CCDC85A: variants seen among roughly 807,000 people sequenced by gnomAD.
CCDC85A encodes coiled-coil domain containing 85A, also known as coiled-coil domain-containing protein 85A.
Under a neutral mutation model 50.2 loss-of-function variants are expected in CCDC85A, and 38 were observed. That is an observed-to-expected ratio of 0.76 (90% CI 0.58 to 0.99). CCDC85A has a LOEUF of 0.99. Ranked by LOEUF, CCDC85A falls within the 50% of genes least tolerant of loss-of-function variation. CCDC85A has a pLI of 0.00. For synonymous variants in CCDC85A, 366 were observed against 301.4 expected, an observed-to-expected ratio of 1.21 and a Z score of -2.22; for missense variants, 820 against 742.0, an observed-to-expected ratio of 1.11 and a Z score of -1.22.
intron 2 of CCDC85A, among the ~76,000 whole-genome samples, chr2:56,218,833 T>C (rs1487480531): frequency 6.6e-6 from 1 of 151,834 alleles, no homozygotes; most frequent in Non-Finnish European, 1.5e-5. Context: ...TTTTTGACAT[T>C]AAATTTTTCT....
At chr2:56,337,701 G>A (rs971869448) in intron 2 of CCDC85A, among the ~76,000 whole-genome samples, 1 of 151,606 alleles carries the variant, frequency 6.6e-6, no homozygotes, top group Non-Finnish European at 1.5e-5. Context: ...ACAGGATTTA[G>A]TACTAAATTT....
intron 2 of CCDC85A, among the ~76,000 whole-genome samples, chr2:56,338,111 C>T (rs1674170428): frequency 6.6e-6 from 1 of 152,090 alleles, no homozygotes; most frequent in South Asian, 2.1e-4. Context: ...TATTTATGTA[C>T]TTTGTAGCTG....
intron 2 of CCDC85A, among the ~76,000 whole-genome samples, chr2:56,311,095 A>C (rs1354064950): frequency 1.3e-5 from 2 of 152,180 alleles, no homozygotes; most frequent in Admixed American, 6.6e-5. Flanking sequence ...GACTTATGAC[A>C]TAAGCTAGAA....
Position 56,193,406 on chromosome 2 carries a change from A to C in CCDC85A, c.1206A>C (p.Ser402=). 1 of 1,609,772 alleles carries C rather than the reference A, an allele frequency of 6.2e-7. No homozygotes were observed. The highest frequency in any genetic ancestry group is 8.5e-7 in the Non-Finnish European group (1 of 1,178,094). The part of the protein sequence containing the change: ...TLRRQAQEDG[S]PHHRNVYSGM... ...GACGGCAGGCACAGGAGGACGGGTC[A>C]CCCCATCACCGGAATGTCTACAGTG... Residue 402 remains serine, a synonymous_variant, in exon 2 of 6, where the codon TCA becomes TCC. Transcript: ENST00000407595.
At chr2:56,268,462 G>A (rs577234160) in intron 2 of CCDC85A, among the ~76,000 whole-genome samples, 2 of 152,082 alleles carry the variant, frequency 1.3e-5, no homozygotes, top group African/African-American at 4.8e-5. Flanking sequence ...AAGAGTGGTG[G>A]CGGACGCCTG....
intron 2 of CCDC85A, among the ~76,000 whole-genome samples, chr2:56,258,680 A>G (rs1248903260): frequency 6.6e-6 from 1 of 152,228 alleles, no homozygotes; most frequent in Non-Finnish European, 1.5e-5. Flanking sequence ...TTTAAATTGA[A>G]CTGTAAGAGA....
At chr2:56,311,817 A>C (rs1349924379) in intron 2 of CCDC85A, among the ~76,000 whole-genome samples, 1 of 152,122 alleles carries the variant, frequency 6.6e-6, no homozygotes, top group Non-Finnish European at 1.5e-5. Context: ...GCAGGGATTC[A>C]GGGTTTCATA....
chr2:56,310,065 A>G (rs1003256456), intron 2 of CCDC85A, among the ~76,000 whole-genome samples: 7 of 152,130 alleles, frequency 4.6e-5, no homozygotes, highest in African/African-American at 1.7e-4. Flanking sequence ...GGAACTAAAG[A>G]CCTAAATAAA....
intron 2 of CCDC85A, among the ~76,000 whole-genome samples, chr2:56,311,614 T>C (rs568332092): frequency 4.6e-4 from 70 of 152,230 alleles, no homozygotes; most frequent in African/African-American, 1.6e-3. Context: ...GCTATATGAC[T>C]TTGCAGTGGA....
chr2:56,295,877 T>C (rs1671925581), intron 2 of CCDC85A, among the ~76,000 whole-genome samples: 1 of 152,218 alleles, frequency 6.6e-6, no homozygotes, highest in Non-Finnish European at 1.5e-5. Flanking sequence ...CCAGTATCAC[T>C]GCCCAGGTGC....
chr2:56,344,787 C>T (rs1168601918), intron 3 of CCDC85A, among the ~76,000 whole-genome samples: 1 of 151,976 alleles, frequency 6.6e-6, no homozygotes, highest in Non-Finnish European at 1.5e-5. Context: ...GTTTATTATA[C>T]ATGGTTGTGC....
At chr2:56,372,219 A>G (rs11694209) in intron 3 of CCDC85A, 125 bp from the exon 4 acceptor site, 94,680 of 863,020 alleles carry the variant, frequency 0.11, 5,576 homozygotes, top group African/African-American at 0.13. Context: ...CTACAGGTGC[A>G]TGTTACAGCT....
chr2:56,342,973 G>A lies in CCDC85A; in HGVS notation c.1317+18G>A. 1 of 1,548,810 alleles carries A rather than the reference G, an allele frequency of 6.5e-7. No individual in the cohort carries two copies. On this transcript the variant is annotated intron_variant, in intron 3 of 5. Transcript: ENST00000407595. ...TGCCCCAGGTGGGTGACTTCCAGAA[G>A]CTCATAGCTAGTCAGTGCCATTTAA...
intron 2 of CCDC85A, among the ~76,000 whole-genome samples, chr2:56,298,603 T>A (rs1407045838): frequency 6.6e-6 from 1 of 152,182 alleles, no homozygotes; most frequent in Non-Finnish European, 1.5e-5. Context: ...GGGAATCTTT[T>A]AAGCTTACTA....
At chr2:56,269,916 C>A (rs139512519) in intron 2 of CCDC85A, among the ~76,000 whole-genome samples, 52 of 152,276 alleles carry the variant, frequency 3.4e-4, no homozygotes, top group Admixed American at 8.5e-4. Flanking sequence ...ATTTTATACT[C>A]AACACAGAGC....
At chr2:56,278,844 A>G (rs1671078366) in intron 2 of CCDC85A, among the ~76,000 whole-genome samples, 1 of 152,204 alleles carries the variant, frequency 6.6e-6, no homozygotes, top group South Asian at 2.1e-4. Flanking sequence ...AAGTGCTGGG[A>G]TTACAGGCAT....
intron 2 of CCDC85A, among the ~76,000 whole-genome samples, chr2:56,305,089 C>A: frequency 7.0e-6 from 1 of 143,490 alleles, no homozygotes; most frequent in Non-Finnish European, 1.5e-5. Flanking sequence ...GGCGACAGAG[C>A]AAGACTCTGC....
chr2:56,235,981 G>A (rs938773615), intron 2 of CCDC85A, among the ~76,000 whole-genome samples: 1 of 152,050 alleles, frequency 6.6e-6, no homozygotes. Flanking sequence ...CCACCAACTA[G>A]CAAGGGATCA....
At chr2:56,263,037 C>T (rs1401203279) in intron 2 of CCDC85A, among the ~76,000 whole-genome samples, 1 of 151,912 alleles carries the variant, frequency 6.6e-6, no homozygotes, top group African/African-American at 2.4e-5. Flanking sequence ...TAAATGAATA[C>T]TTAGGTAAGA....
Sources: allele counts gnomAD v4.1 joint callset (sites outside exome capture counted in the v4.1 genomes callset), GRCh38; gene constraint gnomAD v4.1.1; transcripts MANE v1.5; gene names NCBI Gene and HGNC (gene_info 2026-07-23, HGNC 2026-07-21).